The following SIM1 variants were observed in gnomAD, a reference collection of about 807,000 sequenced individuals.
SIM1 encodes the protein SIM bHLH transcription factor 1, also known as single-minded homolog 1.
A neutral mutation model predicts 78.2 loss-of-function variants in SIM1; 18 were observed. That is an observed-to-expected ratio of 0.23 (90% CI 0.16 to 0.34). The LOEUF (loss-of-function observed/expected upper bound fraction) is 0.34, where lower values mean the gene tolerates loss of function less well. Ranked by LOEUF, SIM1 falls within the 10% of genes least tolerant of loss-of-function variation. The probability of loss-of-function intolerance (pLI) is 1.00; values close to 1 mark genes in which losing one functional copy is unlikely to be tolerated. For missense variants in SIM1, 939 were observed against 975.1 expected (o/e 0.96, Z 0.49); for synonymous variants, 417 against 385.2 (o/e 1.08, Z -0.97).
At chr6:100,456,734 G>C (rs1772674846) in intron 2 of SIM1, among the ~76,000 whole-genome samples, 1 of 152,176 alleles carries the variant, frequency 6.6e-6, no homozygotes, top group African/African-American at 2.4e-5. Flanking sequence ...CATTAGAAGG[G>C]ATGTATCTAT....
At chr6:100,420,703 A>G in intron 10 of SIM1, 87 bp downstream of exon 10, 1 of 1,297,206 alleles carries the variant, frequency 7.7e-7, no homozygotes, top group East Asian at 2.3e-5. Flanking sequence ...TAGATAATTC[A>G]TTCCAAATAG....
chr6:100,448,140 C>T lies in SIM1; in HGVS notation c.850+6G>A. 1.2e-6 allele frequency: 2 copies of T among 1,609,612 alleles called. No individual in the cohort carries two copies. The highest frequency in any genetic ancestry group is 1.7e-6 in the Non-Finnish European group (2 of 1,177,908). ...TGCTAGGGTACGGGGCAGGGTGGCG[C>T]CTTACGCAAATGGTGCGCGCAGCGC... On this transcript the variant is annotated splice_donor_region_variant and intron_variant, in intron 8 of 11. Coordinates refer to ENST00000369208, the MANE Select transcript of SIM1 (RefSeq NM_005068.3).
Position 100,390,224 on chromosome 6 carries a change from T to C in SIM1, c.*137A>G, listed in dbSNP as rs1345314414. On this transcript the variant is annotated 3_prime_UTR_variant, in exon 12 of 12. Coordinates refer to ENST00000369208, the MANE Select transcript of SIM1 (RefSeq NM_005068.3). ...TAGTGCTATGTTTTCTTTGATTTTA[T>C]AGGAACACGTATCAAATACCCAGTA... is the stretch of plus-strand genomic sequence containing the variant. The C allele has an allele frequency of 1.5e-5, 14 of 937,248 alleles. No individual in the cohort carries two copies. Among genetic ancestry groups the C allele is most frequent in the Non-Finnish European group, 2.1e-5 (13 of 632,136 alleles). The allele number at this position is 937,248 out of a possible 1,614,324, so 58.1% of individuals were successfully genotyped here. A position where few individuals can be genotyped will look rare whatever the true frequency, so the allele number is the denominator to read the frequency against.
At chr6:100,430,316 T>C (rs1460505039) in intron 9 of SIM1, among the ~76,000 whole-genome samples, 1 of 152,162 alleles carries the variant, frequency 6.6e-6, no homozygotes, top group Non-Finnish European at 1.5e-5. Flanking sequence ...TTCTTTCTGT[T>C]TCTTATTTTC....
At chr6:100,394,421 G>T (rs1770721004) in intron 10 of SIM1, among the ~76,000 whole-genome samples, 1 of 152,024 alleles carries the variant, frequency 6.6e-6, no homozygotes, top group Non-Finnish European at 1.5e-5. Flanking sequence ...GTATTTTTTG[G>T]TTTTGACAGG....
intron 11 of SIM1, 25 bp downstream of exon 11, chr6:100,393,462 C>A (rs767824554): frequency 2.0e-6 from 3 of 1,495,716 alleles, no homozygotes; most frequent in South Asian, 2.8e-5. Context: ...GCTTGGAGTT[C>A]GGGAACCCTT....
At chr6:100,447,712 A>G (rs1266727039) in intron 8 of SIM1, among the ~76,000 whole-genome samples, 1 of 152,212 alleles carries the variant, frequency 6.6e-6, no homozygotes, top group Non-Finnish European at 1.5e-5. Flanking sequence ...TTTTCTAACT[A>G]CGGAAGTAAG....
At chr6:100,399,366 T>C (rs192776056) in intron 10 of SIM1, among the ~76,000 whole-genome samples, 6 of 152,224 alleles carry the variant, frequency 3.9e-5, no homozygotes, top group East Asian at 1.9e-4. Context: ...TATGATTCCA[T>C]TTCTACAACA....
intron 9 of SIM1, among the ~76,000 whole-genome samples, chr6:100,439,376 C>T (rs1772146582): frequency 6.6e-6 from 1 of 152,200 alleles, no homozygotes; most frequent in Non-Finnish European, 1.5e-5. Flanking sequence ...TCTACTGTCA[C>T]TTTGAGCTCC....
intron 9 of SIM1, chr6:100,437,189 A>AT (rs2114525814): frequency 6.6e-6 from 1 of 152,358 alleles, no homozygotes; most frequent in South Asian, 2.1e-4. Flanking sequence ...ACAGGATAAA[A>AT]TATTATGATA....
chr6:100,445,182 A>T (rs1772325212), intron 9 of SIM1, among the ~76,000 whole-genome samples: 3 of 152,202 alleles, frequency 2.0e-5, no homozygotes, highest in Non-Finnish European at 4.4e-5. Flanking sequence ...CCTGTTCATT[A>T]TGAAAATCCT....
intron 9 of SIM1, among the ~76,000 whole-genome samples, chr6:100,427,763 C>A (rs1005177272): frequency 6.6e-6 from 1 of 152,156 alleles, no homozygotes; most frequent in Non-Finnish European, 1.5e-5. Flanking sequence ...TCTCCCAGCT[C>A]CTTCCTCTGA....
rs370920653 is a variant in SIM1 at position 100,390,813 on chromosome 6, C to T, written c.1849G>A (p.Glu617Lys). The T allele has an allele frequency of 9.9e-6, 16 of 1,614,048 alleles. No homozygotes were observed. Among genetic ancestry groups the T allele is most frequent in the Non-Finnish European group, 1.4e-5 (16 of 1,180,026 alleles). Residue 617 changes from glutamate to lysine, a missense_variant, in exon 12 of 12, where the codon GAA (glutamate) becomes AAA (lysine). Glu to Lys is a moderately conservative substitution (Grantham distance 56). Coordinates refer to ENST00000369208, the MANE Select transcript of SIM1 (RefSeq NM_005068.3). The part of the protein sequence containing the change: ...ANYQQPPPTG[E>K]VCHGSALANT... Reference sequence around the variant, plus strand: ...GCAAGAGCAGAGCCATGGCAGACTTCACCTGTTGGTGGGGGCTGTTGGTAG... The same window carrying T: ...GCAAGAGCAGAGCCATGGCAGACTTTACCTGTTGGTGGGGGCTGTTGGTAG...
chr6:100,449,826 T>G, intron 4 of SIM1, 127 bp from the exon 5 acceptor site: 3 of 709,896 alleles, frequency 4.2e-6, no homozygotes, highest in Non-Finnish European at 4.9e-6. Flanking sequence ...GGCCCTGAGT[T>G]CCAATGCCAG....
chr6:100,390,689 A>G lies in SIM1; in HGVS notation c.1973T>C (p.Ile658Thr). The G allele has an allele frequency of 1.2e-6, 2 of 1,614,198 alleles. No homozygotes were observed. Among genetic ancestry groups the G allele is most frequent in the Non-Finnish European group, 8.5e-7 (1 of 1,180,038 alleles). Residue 658 changes from isoleucine (I) to threonine (T), a missense_variant, in exon 12 of 12, where the codon ATA becomes ACA. Physicochemically the swap from Ile to Thr is moderately conservative, Grantham distance 89 (BLOSUM62 -1). This residue lies in a region of SIM1 where 556 missense variants were observed against 521.9 expected (regional missense o/e 1.07). Coordinates refer to ENST00000369208, the MANE Select transcript of SIM1 (RefSeq NM_005068.3). ...YDNSPTALSR[I>T]SSPNSDRISK... ...AATGCGATCCGAATTGGGACTACTT[A>G]TCCGAGATAGTGCGGTGGGACTGTT...
chr6:100,422,935 G>T (rs1771633692), intron 9 of SIM1, among the ~76,000 whole-genome samples: 1 of 152,152 alleles, frequency 6.6e-6, no homozygotes, highest in African/African-American at 2.4e-5. Context: ...ACAGGGCAAT[G>T]ATGTATATCA....
At chr6:100,433,014 C>T (rs1286232923) in intron 9 of SIM1, among the ~76,000 whole-genome samples, 2 of 152,142 alleles carry the variant, frequency 1.3e-5, no homozygotes, top group Admixed American at 6.5e-5. Flanking sequence ...ATCTGCAAAT[C>T]CCATTGGGCC....
intron 9 of SIM1, among the ~76,000 whole-genome samples, chr6:100,441,150 G>C (rs1054669599): frequency 6.6e-6 from 1 of 152,160 alleles, no homozygotes. Flanking sequence ...CTCTACCCAG[G>C]AACTAAAGGG....
chr6:100,435,224 A>C (rs1275602027), intron 9 of SIM1, among the ~76,000 whole-genome samples: 1 of 152,200 alleles, frequency 6.6e-6, no homozygotes, highest in Non-Finnish European at 1.5e-5. Context: ...GACCATGCAA[A>C]ATATTGGCAA....
Sources: gnomAD v4.1 joint callset for allele counts (sites outside exome capture counted in the v4.1 genomes callset) on GRCh38, gnomAD v4.1.1 for gene constraint, gnomAD v4.1.1 regional missense constraint, MANE v1.5 for transcripts, NCBI Gene and HGNC (gene_info 2026-07-23, HGNC 2026-07-21) for gene names.